The following PPP1R1C variants were observed in gnomAD, a reference collection of about 807,000 sequenced individuals.
PPP1R1C encodes protein phosphatase 1 regulatory subunit 1C.
PPP1R1C carries 15 observed loss-of-function variants against 17.4 expected under a neutral mutation model. That is an observed-to-expected ratio of 0.86 (90% confidence interval 0.58 to 1.33). The LOEUF (loss-of-function observed/expected upper bound fraction) is 1.33. PPP1R1C is among the 40% of genes most tolerant of loss of function. The pLI, the probability that PPP1R1C is intolerant of heterozygous loss-of-function variation, is 0.00. For synonymous variants in PPP1R1C, 35 were observed against 43.1 expected (o/e 0.81, Z 0.73); for missense variants, 143 against 130.0 (o/e 1.10, Z -0.48).
chr2:182,068,562 G>A (rs901931781), intron 4 of PPP1R1C, among the ~76,000 whole-genome samples: 4 of 152,182 alleles, frequency 2.6e-5, no homozygotes, highest in South Asian at 2.1e-4. Context: ...TCAGGTCGGC[G>A]TGTGAAGTTT....
intron 2 of PPP1R1C, among the ~76,000 whole-genome samples, chr2:182,002,927 A>ACCCCCCCCCCCCCCCCCCCCCC (rs200353111): frequency 3.3e-5 from 3 of 90,920 alleles, no homozygotes; most frequent in Admixed American, 1.1e-4. Context: ...GATGCCATAA[A>ACCCCCCCCCCCCCCCCCCCCCC]CCTCCCCCCC....
intron 4 of PPP1R1C, among the ~76,000 whole-genome samples, chr2:182,102,435 T>C (rs1240324227): frequency 2.6e-5 from 4 of 152,228 alleles, no homozygotes; most frequent in Admixed American, 6.5e-5. Flanking sequence ...TCCCTAATCA[T>C]GTGATTGGTT....
At chr2:182,108,399 TAATGTTG>T (rs1269557311) in intron 4 of PPP1R1C, among the ~76,000 whole-genome samples, 1 of 152,084 alleles carries the variant, frequency 6.6e-6, no homozygotes, top group African/African-American at 2.4e-5. Flanking sequence ...TTTGCACTCT[TAATGTTG>T]GAGTACTCCA....
intron 1 of PPP1R1C, among the ~76,000 whole-genome samples, chr2:181,958,129 C>A (rs981098853): frequency 6.6e-6 from 1 of 152,100 alleles, no homozygotes; most frequent in African/African-American, 2.4e-5. Context: ...TAAGGAAGCG[C>A]TCCCAAGAAA....
rs770435673 is a variant in PPP1R1C at position 182,056,774 on chromosome 2, G to C, written c.143-4668G>C. Among the ~76,000 whole-genome samples, 3 of 152,024 alleles carry C rather than the reference G, an allele frequency of 2.0e-5. No homozygotes were observed. The South Asian group carries it at 6.2e-4, about 32-fold the overall frequency. ...TATGTTTGATTTGACCTTGCCTACCGCTTATTTTTAATTTGTCTTATACAT... is the reference window on the plus strand; with the variant it reads ...TATGTTTGATTTGACCTTGCCTACCCCTTATTTTTAATTTGTCTTATACAT... On this transcript the variant is annotated intron_variant, in intron 2 of 4. Transcript: ENST00000682840.
At chr2:181,983,010 A>G (rs1408787522), upstream of PPP1R1C, among the ~76,000 whole-genome samples, 3 of 152,162 alleles carry the variant, frequency 2.0e-5, no homozygotes, top group African/African-American at 7.2e-5. Context: ...TCTCCTTTCT[A>G]TATTGATATC....
chr2:182,121,693 G>A (rs1334744148), downstream of PPP1R1C, among the ~76,000 whole-genome samples: 6 of 151,840 alleles, frequency 4.0e-5, no homozygotes, highest in South Asian at 2.1e-4. Flanking sequence ...TAGTAGAGAC[G>A]GGGTTTCGCC....
At chr2:181,975,892 C>G (rs2125135249) in intron 2 of PPP1R1C, among the ~76,000 whole-genome samples, 1 of 152,014 alleles carries the variant, frequency 6.6e-6, no homozygotes, top group East Asian at 1.9e-4. Flanking sequence ...AGTAGCTTGT[C>G]CTTCATTAGA....
chr2:182,048,903 G>A (rs1350420657), intron 2 of PPP1R1C: 2 of 152,264 alleles, frequency 1.3e-5, no homozygotes, highest in Non-Finnish European at 2.9e-5. Flanking sequence ...TGAGTAGTTG[G>A]ATGGGAAACA....
chr2:182,063,262 A>G (rs552496736), intron 3 of PPP1R1C, among the ~76,000 whole-genome samples: 14 of 152,096 alleles, frequency 9.2e-5, no homozygotes, highest in Middle Eastern at 3.4e-3. Context: ...GAACATGTCA[A>G]TTCAAGAGGG....
intron 2 of PPP1R1C, among the ~76,000 whole-genome samples, chr2:182,011,966 G>T (rs1022792437): frequency 7.9e-5 from 12 of 151,932 alleles, no homozygotes; most frequent in African/African-American, 2.9e-4. Context: ...TTATTCCACT[G>T]TGGTCTGAGA....
At chr2:181,992,289 T>C (rs1278745008) in intron 2 of PPP1R1C, among the ~76,000 whole-genome samples, 1 of 91,802 alleles carries the variant, frequency 1.1e-5, no homozygotes, top group Non-Finnish European at 2.6e-5. Context: ...ACTTCATTTG[T>C]TCTCTGCAAT....
downstream of PPP1R1C, among the ~76,000 whole-genome samples, chr2:182,119,301 A>G (rs1398631751): frequency 1.9e-3 from 283 of 152,066 alleles, no homozygotes; most frequent in Middle Eastern, 3.4e-3. Flanking sequence ...AATCCAGTCT[A>G]TCATTGTTGG....
chr2:182,079,197 A>C (rs1688402152), intron 4 of PPP1R1C, among the ~76,000 whole-genome samples: 1 of 152,218 alleles, frequency 6.6e-6, no homozygotes, highest in South Asian at 2.1e-4. Flanking sequence ...GTTGTCATAG[A>C]TTATTACAAA....
At position 182,041,127 on chromosome 2, in the gene PPP1R1C, C is replaced by T. The variant is rs185250584; in HGVS notation, c.143-20315C>T. On this transcript the variant is annotated intron_variant, in intron 2 of 4. Transcript: ENST00000682840. ...TCATTTTGCATAGGATTGCTTTGCT[C>T]TTCAGGCTCCTTTTTGGTTCCATTT... Among the ~76,000 whole-genome samples, 147 of 152,188 alleles carry T rather than the reference C, an allele frequency of 9.7e-4. 1 individual carries two copies. The highest frequency in any genetic ancestry group is 9.5e-3 in the Admixed American group (146 of 15,288).
intron 2 of PPP1R1C, among the ~76,000 whole-genome samples, chr2:182,029,480 T>A (rs4361089): frequency 0.64 from 95,572 of 148,912 alleles, 31,903 homozygotes; most frequent in Non-Finnish European, 0.74. Context: ...GAATCTTAGT[T>A]TGGCTGGATA....
At chr2:181,969,484 C>A (rs762159446) in intron 1 of PPP1R1C, among the ~76,000 whole-genome samples, 5 of 152,078 alleles carry the variant, frequency 3.3e-5, no homozygotes, top group Non-Finnish European at 7.4e-5. Context: ...TATATTGGAA[C>A]TTCTTTGTTA....
At chr2:182,110,354 GTTTA>G (rs1377335157) in intron 4 of PPP1R1C, among the ~76,000 whole-genome samples, 2 of 152,214 alleles carry the variant, frequency 1.3e-5, no homozygotes, top group South Asian at 2.1e-4. Context: ...AAACCAGAAT[GTTTA>G]TTTATCAATT....
intron 4 of PPP1R1C, among the ~76,000 whole-genome samples, chr2:182,070,684 A>G (rs1369334267): frequency 6.6e-6 from 1 of 152,192 alleles, no homozygotes; most frequent in Non-Finnish European, 1.5e-5. Context: ...GTTGTATAAA[A>G]CAGTTCTTGC....
Sources: gnomAD v4.1 joint callset for allele counts (sites outside exome capture counted in the v4.1 genomes callset) on GRCh38, gnomAD v4.1.1 for gene constraint, MANE v1.5 for transcripts, NCBI Gene and HGNC (gene_info 2026-07-23, HGNC 2026-07-21) for gene names.